FSTL5: variants seen among roughly 807,000 people sequenced by gnomAD.
FSTL5 encodes the protein follistatin like 5, also known as follistatin-related protein 5.
Under a neutral mutation model 89.1 loss-of-function variants are expected in FSTL5, and 62 were observed. The ratio of observed to expected loss-of-function variants is 0.70; its 90% CI spans 0.57 to 0.86. The LOEUF is 0.86. Ranked by LOEUF, FSTL5 falls within the 40% of genes least tolerant of loss-of-function variation. The pLI is 0.00. For missense variants in FSTL5, 1,057 were observed against 1,001.6 expected, an observed-to-expected ratio of 1.06 and a Z score of -0.75; for synonymous variants, 383 against 346.2, an observed-to-expected ratio of 1.11 and a Z score of -1.18.
chr4:161,959,322 C>T (rs1735109802), intron 3 of FSTL5, among the ~76,000 whole-genome samples: 1 of 151,976 alleles, frequency 6.6e-6, no homozygotes, highest in Admixed American at 6.6e-5. Flanking sequence ...TTTCCCATGT[C>T]TTAACATAGG....
intron 14 of FSTL5, among the ~76,000 whole-genome samples, chr4:161,457,016 T>C (rs764861115): frequency 1.9e-4 from 29 of 152,190 alleles, no homozygotes; most frequent in Non-Finnish European, 3.1e-4. Context: ...CCCACTTCTT[T>C]CGTGCAACTG....
intron 15 of FSTL5, among the ~76,000 whole-genome samples, chr4:161,408,966 G>A (rs1325568858): frequency 6.6e-6 from 1 of 152,160 alleles, no homozygotes; most frequent in East Asian, 1.9e-4. Context: ...GAGAATAGGA[G>A]AAAGAATAAA....
chr4:161,401,721 A>G (rs965632439), intron 15 of FSTL5, among the ~76,000 whole-genome samples: 2 of 151,534 alleles, frequency 1.3e-5, no homozygotes, highest in Non-Finnish European at 2.9e-5. Context: ...TAGAGATGGG[A>G]TTTCACCGTG....
chr4:162,046,513 C>T (rs772760561), intron 2 of FSTL5, among the ~76,000 whole-genome samples: 4 of 152,000 alleles, frequency 2.6e-5, no homozygotes, highest in Non-Finnish European at 5.9e-5. Context: ...CTTCTTTGGA[C>T]ATGAAGATTA....
intron 1 of FSTL5, among the ~76,000 whole-genome samples, chr4:162,156,250 T>G (rs1401608824): frequency 6.6e-6 from 1 of 152,132 alleles, no homozygotes; most frequent in East Asian, 1.9e-4. Flanking sequence ...CAACAGATAC[T>G]GGTGAGGCTG....
intron 1 of FSTL5, among the ~76,000 whole-genome samples, chr4:162,123,064 T>C (rs1167893841): frequency 2.6e-5 from 4 of 152,106 alleles, no homozygotes; most frequent in Admixed American, 2.0e-4. Context: ...TTTTATTTGC[T>C]ATTAAAAAAA....
At chr4:161,712,315 G>T (rs1254333467) in intron 6 of FSTL5, among the ~76,000 whole-genome samples, 2 of 151,886 alleles carry the variant, frequency 1.3e-5, no homozygotes, top group Non-Finnish European at 2.9e-5. Flanking sequence ...ATAATAAAAA[G>T]AATAAATAAC....
intron 3 of FSTL5, among the ~76,000 whole-genome samples, chr4:162,003,256 C>T (rs558979051): frequency 4.6e-5 from 7 of 152,128 alleles, no homozygotes; most frequent in Non-Finnish European, 1.0e-4. Flanking sequence ...ATTTCCATTA[C>T]ATTTTCTGTG....
intron 4 of FSTL5, among the ~76,000 whole-genome samples, chr4:161,892,481 A>C (rs1733018648): frequency 7.1e-6 from 1 of 141,416 alleles, no homozygotes; most frequent in African/African-American, 2.5e-5. Context: ...AACACCATCA[A>C]AGTTCTTTGC....
chr4:161,993,967 T>G (rs1268441815), intron 3 of FSTL5, among the ~76,000 whole-genome samples: 1 of 151,916 alleles, frequency 6.6e-6, no homozygotes, highest in Non-Finnish European at 1.5e-5. Context: ...GTCATGGGGG[T>G]TTGTTGTACA....
At chr4:162,011,041 G>A (rs569359882) in intron 3 of FSTL5, among the ~76,000 whole-genome samples, 1 of 152,220 alleles carries the variant, frequency 6.6e-6, no homozygotes, top group Admixed American at 6.5e-5. Context: ...TAAAATCCAG[G>A]AACATCAGAA....
intron 1 of FSTL5, among the ~76,000 whole-genome samples, chr4:162,123,513 T>C (rs1731950089): frequency 1.3e-5 from 2 of 152,146 alleles, no homozygotes; most frequent in African/African-American, 4.8e-5. Context: ...AATCAAAGTC[T>C]CCATGTTTTC....
chr4:161,777,002 C>A (rs1419780789), intron 4 of FSTL5, among the ~76,000 whole-genome samples: 4 of 151,730 alleles, frequency 2.6e-5, no homozygotes, highest in Admixed American at 1.3e-4. Flanking sequence ...ACCAACTAAC[C>A]CATCTTTATT....
chr4:161,498,868 T>C (rs953721369), intron 12 of FSTL5, among the ~76,000 whole-genome samples: 6 of 152,130 alleles, frequency 3.9e-5, no homozygotes, highest in Admixed American at 3.3e-4. Context: ...ACACAACTTA[T>C]TCAAAGACTG....
At chr4:162,068,231 C>T (rs1372435081) in intron 2 of FSTL5, among the ~76,000 whole-genome samples, 1 of 152,014 alleles carries the variant, frequency 6.6e-6, no homozygotes, top group Admixed American at 6.6e-5. Context: ...CAAAAGAGAG[C>T]CCATATAGCC....
At chr4:162,131,040 A>G (rs1676089880) in intron 1 of FSTL5, among the ~76,000 whole-genome samples, 1 of 152,214 alleles carries the variant, frequency 6.6e-6, no homozygotes, top group Non-Finnish European at 1.5e-5. Context: ...GCCTATATAA[A>G]CATGTCATTT....
At chr4:161,703,155 T>C (rs983103749) in intron 6 of FSTL5, among the ~76,000 whole-genome samples, 1 of 152,094 alleles carries the variant, frequency 6.6e-6, no homozygotes, top group Non-Finnish European at 1.5e-5. Context: ...ACCTTGATCT[T>C]GGACTTCTAG....
chr4:162,025,615 T>C (rs1412841858), intron 3 of FSTL5, among the ~76,000 whole-genome samples: 1 of 152,042 alleles, frequency 6.6e-6, no homozygotes. Flanking sequence ...GCACCAATAA[T>C]TTAAGAAACA....
chr4:162,141,680 C>T (rs542310960), intron 1 of FSTL5, among the ~76,000 whole-genome samples: 17 of 152,040 alleles, frequency 1.1e-4, no homozygotes, highest in Admixed American at 5.2e-4. Context: ...TTTTTGGTGG[C>T]GGTGGCGGGA....
Sources: allele counts gnomAD v4.1 joint callset (sites outside exome capture counted in the v4.1 genomes callset), GRCh38; gene constraint gnomAD v4.1.1; transcripts MANE v1.5; gene names NCBI Gene and HGNC (gene_info 2026-07-23, HGNC 2026-07-21).